The following FAH variants were observed in gnomAD, a reference collection of about 807,000 sequenced individuals.
The protein encoded by FAH is fumarylacetoacetate hydrolase.
In FAH, 47 loss-of-function variants were observed where a neutral mutation model predicts 55.8. The ratio of observed to expected loss-of-function variants is 0.84; its 90% CI spans 0.67 to 1.07. FAH has a LOEUF of 1.07. Ranked by LOEUF, FAH falls within the 50% of genes least tolerant of loss-of-function variation. The pLI, the probability that FAH is intolerant of heterozygous loss-of-function variation, is 0.00. For synonymous variants in FAH, 199 were observed against 207.7 expected, an observed-to-expected ratio of 0.96 and a Z score of 0.36; for missense variants, 495 against 545.9, an observed-to-expected ratio of 0.91 and a Z score of 0.93.
chr15:80,171,253 C>G (rs1287213331), intron 7 of FAH, among the ~76,000 whole-genome samples: 1 of 151,990 alleles, frequency 6.6e-6, no homozygotes, highest in African/African-American at 2.4e-5. Context: ...CTTCCCCCCA[C>G]CCCACAACAG....
intron 4 of FAH, among the ~76,000 whole-genome samples, 164 bp from the exon 5 acceptor site, chr15:80,162,082 G>C: frequency 6.6e-6 from 1 of 152,212 alleles, no homozygotes; most frequent in East Asian, 1.9e-4. Flanking sequence ...TCTTCAGTGA[G>C]GATATTTTAT....
At position 80,176,262 on chromosome 15, in the gene FAH, C is replaced by T. The variant is rs143106133; in HGVS notation, c.913+1171C>T. On this transcript the variant is annotated intron_variant, in intron 10 of 13. Transcript: ENST00000561421. Reference sequence around the variant, plus strand: ...AACTCCTAACCTTAGGTGGTCTACCCACCTAGGCCTTCCAAAGTGCTGGGA... The same window carrying T: ...AACTCCTAACCTTAGGTGGTCTACCTACCTAGGCCTTCCAAAGTGCTGGGA... 5.0e-3 allele frequency among the ~76,000 whole-genome samples: 755 copies of T among 152,234 alleles called. 8 individuals carry two copies. Among genetic ancestry groups the T allele is most frequent in the African/African-American group, 0.017 (723 of 41,552 alleles).
chr15:80,183,945 T>A (rs1218646769), intron 13 of FAH, among the ~76,000 whole-genome samples: 1 of 152,200 alleles, frequency 6.6e-6, no homozygotes, highest in African/African-American at 2.4e-5. Flanking sequence ...TGTGTCCTGT[T>A]GCCTCTTTAA....
chr15:80,176,637 C>T (rs1208572630), intron 10 of FAH, among the ~76,000 whole-genome samples: 1 of 152,218 alleles, frequency 6.6e-6, no homozygotes, highest in Admixed American at 6.5e-5. Context: ...GGGACTCAAT[C>T]CAAGTGTGTC....
intron 1 of FAH, 82 bp from the exon 2 acceptor site, chr15:80,157,978 T>C: frequency 9.7e-7 from 1 of 1,033,672 alleles, no homozygotes; most frequent in Non-Finnish European, 1.5e-6. Context: ...TGTGGACTCT[T>C]CAATAGATAG....
Position 80,177,503 on chromosome 15 carries a change from A to C in FAH, c.914-34A>C. 2.5e-6 allele frequency: 4 copies of C among 1,594,522 alleles called. 1 individual carries two copies. The South Asian group carries it at 4.4e-5, about 18-fold the overall frequency. On this transcript the variant is annotated intron_variant, in intron 10 of 13. Transcript: ENST00000561421. Reference sequence around the variant, plus strand: ...ATTTTCCTCCCTGATGCATGGAATTAAGTTTTCATCAATATTGCTTTTCTT... The same window carrying C: ...ATTTTCCTCCCTGATGCATGGAATTCAGTTTTCATCAATATTGCTTTTCTT...
rs146912689 is a variant in FAH at position 80,158,618 on chromosome 15, A to T, written c.192+448A>T. 2.0e-3 allele frequency among the ~76,000 whole-genome samples: 310 copies of T among 152,328 alleles called. 1 individual carries two copies. Among genetic ancestry groups the T allele is most frequent in the Middle Eastern group, 6.8e-3 (2 of 294 alleles). On this transcript the variant is annotated intron_variant, in intron 2 of 13. Transcript: ENST00000561421. Reference sequence around the variant, plus strand: ...TACATGTTCACATGGGATGGACATGAATTTGCTTCCCTGTAAATGGTCATC... The same window carrying T: ...TACATGTTCACATGGGATGGACATGTATTTGCTTCCCTGTAAATGGTCATC...
At chr15:80,153,594 A>C (rs925420070) in intron 1 of FAH, among the ~76,000 whole-genome samples, 1 of 152,074 alleles carries the variant, frequency 6.6e-6, no homozygotes, top group Non-Finnish European at 1.5e-5. Flanking sequence ...AGCAGGTCAG[A>C]GGGGCACGCG....
At chr15:80,160,522 A>AGGTGCTTT in intron 4 of FAH, 63 bp downstream of exon 4, 8 of 1,532,864 alleles carry the variant, frequency 5.2e-6, no homozygotes, top group Non-Finnish European at 7.2e-6. Context: ...AGGGCTGGCC[A>AGGTGCTTT]GGTGCTTTGG....
Position 80,159,739 on chromosome 15 carries a change from C to A in FAH, c.193-17C>A. ...TTTTCCTGTACGTGATCTTTTTTCT[C>A]CCTGTTTTGGTCTTAGCCTACACTC... On this transcript the variant is annotated splice_polypyrimidine_tract_variant and intron_variant, in intron 2 of 13. Transcript: ENST00000561421. The A allele has an allele frequency of 8.1e-6, 13 of 1,614,112 alleles. No individual in the cohort carries two copies. The highest frequency in any genetic ancestry group is 1.1e-5 in the South Asian group (1 of 91,084).
intron 3 of FAH, chr15:80,160,107 CA>C (rs1343449800): frequency 3.1e-6 from 2 of 641,800 alleles, no homozygotes; most frequent in Admixed American, 5.4e-5. Flanking sequence ...AGGCCAGGCC[CA>C]TTGGCCCTCT....
chr15:80,186,136 G>T lies in FAH; in HGVS notation c.1187G>T (p.Cys396Phe), dbSNP rs1284174488. 1 of 1,613,942 alleles carries T rather than the reference G, an allele frequency of 6.2e-7. No homozygotes were observed. The highest frequency in any genetic ancestry group is 1.3e-5 in the African/African-American group (1 of 74,924). The change falls in exon 14 of 14, where the codon TGC becomes TTC. Residue 396 changes from cysteine (C) to phenylalanine (F), a missense_variant. Transcript: ENST00000561421. ...DGDEVIITGY[C>F]QGDGYRIGFG... ...TTGTCCTCCTCTGTTCCAGGGTACTGCCAGGGGGATGGTTACCGCATCGGC... is the reference window on the plus strand; with the variant it reads ...TTGTCCTCCTCTGTTCCAGGGTACTTCCAGGGGGATGGTTACCGCATCGGC...
At chr15:80,169,939 C>T (rs1244820909) in intron 7 of FAH, among the ~76,000 whole-genome samples, 1 of 152,192 alleles carries the variant, frequency 6.6e-6, no homozygotes, top group East Asian at 1.9e-4. Flanking sequence ...CACACAGTCT[C>T]CCCCAGTGGC....
chr15:80,180,596 C>A (rs540364459), intron 12 of FAH, among the ~76,000 whole-genome samples: 77 of 152,326 alleles, frequency 5.1e-4, no homozygotes, highest in Admixed American at 3.0e-3. Flanking sequence ...CCCCTGTAAG[C>A]CTGCGGGAGT....
rs1052695295 is a variant in FAH, at chr15:80,165,304, G to A, written c.456-2748G>A. Among the ~76,000 whole-genome samples the A allele has an allele frequency of 6.6e-5, 10 of 152,176 alleles. 1 individual carries two copies. In the South Asian group the frequency reaches 8.3e-4, roughly 13 times the overall value. ...ACAACTTTGGGAGGCCGAGACGGGC[G>A]GATCACCTGAGGTCAGGAGTTTGAG... On this transcript the variant is annotated intron_variant, in intron 5 of 13. Transcript: ENST00000561421.
At chr15:80,176,581 G>A (rs1355091498) in intron 10 of FAH, among the ~76,000 whole-genome samples, 1 of 152,228 alleles carries the variant, frequency 6.6e-6, no homozygotes, top group Non-Finnish European at 1.5e-5. Context: ...GGCTCAGAGA[G>A]GAAAAGGATT....
intron 1 of FAH, chr15:80,157,627 G>T: frequency 3.4e-6 from 1 of 290,738 alleles, no homozygotes; most frequent in South Asian, 3.6e-5. Flanking sequence ...TGTGTGTTGG[G>T]CACTCATGCT....
intron 7 of FAH, among the ~76,000 whole-genome samples, chr15:80,171,375 T>C (rs1223241403): frequency 6.6e-6 from 1 of 150,916 alleles, no homozygotes; most frequent in Non-Finnish European, 1.5e-5. Flanking sequence ...ACCATCATTC[T>C]CAGCAAACTA....
intron 9 of FAH, 28 bp downstream of exon 9, chr15:80,173,172 CA>C (rs1412904558): frequency 6.2e-7 from 1 of 1,614,182 alleles, no homozygotes; most frequent in Admixed American, 1.7e-5. Flanking sequence ...AGGAAGCTCC[CA>C]AACCCAGCCC....
Sources: gnomAD v4.1 joint callset for allele counts (sites outside exome capture counted in the v4.1 genomes callset) on GRCh38, gnomAD v4.1.1 for gene constraint, MANE v1.5 for transcripts, NCBI Gene and HGNC (gene_info 2026-07-23, HGNC 2026-07-21) for gene names.